The following CYFIP2 variants were observed in gnomAD, a reference collection of about 807,000 sequenced individuals.
The protein encoded by CYFIP2 is cytoplasmic FMR1 interacting protein 2.
A neutral mutation model predicts 158.7 loss-of-function variants in CYFIP2; 29 were observed. The ratio of observed to expected loss-of-function variants is 0.18; its 90% CI spans 0.14 to 0.25. The LOEUF is 0.25. CYFIP2 is among the 10% of genes least tolerant of loss of function. The pLI is 1.00. For missense variants in CYFIP2, 852 were observed against 1,639.5 expected (o/e 0.52, Z 8.29); for synonymous variants, 585 against 617.6 (o/e 0.95, Z 0.78).
chr5:157,330,943 G>C lies in CYFIP2; in HGVS notation c.2265+93G>C, dbSNP rs149521230. On this transcript the variant is annotated intron_variant, in intron 20 of 30. Coordinates refer to ENST00000620254, the MANE Select transcript of CYFIP2 (RefSeq NM_001037333.3). ...AGATCAGAAATCAGGCCTGGGTATT[G>C]TCTGCCCGGCATGTTGCCAGTGTGG... 2.3e-5 allele frequency: 22 copies of C among 948,896 alleles called. No individual in the cohort carries two copies. The East Asian group carries it at 5.5e-4, about 24-fold the overall frequency. The allele number at this position is 948,896 out of a possible 1,614,324, so 58.8% of individuals were successfully genotyped here.
At chr5:157,359,539 T>C (rs143593807) in intron 24 of CYFIP2, among the ~76,000 whole-genome samples, 8 of 152,310 alleles carry the variant, frequency 5.3e-5, no homozygotes, top group African/African-American at 1.9e-4. Context: ...CCCTTACCCA[T>C]GGCAGACATC....
rs1478710101 is a variant in CYFIP2 at position 157,389,433 on chromosome 5, T to C, written c.3446+6T>C. 8 of 1,573,306 alleles carry C rather than the reference T, an allele frequency of 5.1e-6. No individual in the cohort carries two copies. In the African/African-American group the frequency reaches 9.4e-5, roughly 19 times the overall value. The stretch of plus-strand genomic sequence containing the variant: ...ACCAACGAGTTCACAGCTGAGTGAG[T>C]ACCCCCCAGAGAAGGCAGGGTTACC... On this transcript the variant is annotated splice_donor_region_variant and intron_variant, in intron 29 of 30. Transcript: ENST00000620254.
intron 23 of CYFIP2, among the ~76,000 whole-genome samples, chr5:157,346,180 G>A (rs891748299): frequency 6.6e-6 from 1 of 152,034 alleles, no homozygotes; most frequent in African/African-American, 2.4e-5. Context: ...AAAGCTGTGG[G>A]CTTGGGCTAC....
At chr5:157,372,207 T>G (rs886482317) in intron 26 of CYFIP2, among the ~76,000 whole-genome samples, 3 of 152,256 alleles carry the variant, frequency 2.0e-5, no homozygotes, top group African/African-American at 7.2e-5. Flanking sequence ...CTACATCGTG[T>G]ATCATATTAA....
intron 23 of CYFIP2, chr5:157,342,886 A>G: frequency 6.2e-7 from 1 of 1,613,580 alleles, no homozygotes; most frequent in Non-Finnish European, 8.5e-7. Flanking sequence ...GAGGCAGTAT[A>G]GCGGGTGGGT....
chr5:157,377,002 T>TGGGCAG, intron 26 of CYFIP2: 1 of 404,992 alleles, frequency 2.5e-6, no homozygotes, highest in Non-Finnish European at 5.0e-6. Flanking sequence ...ACAGGTGCCC[T>TGGGCAG]GGGCAGGGGT....
chr5:157,360,513 A>C, intron 25 of CYFIP2, 141 bp downstream of exon 25: 1 of 645,990 alleles, frequency 1.5e-6, no homozygotes. Flanking sequence ...CACTAGCTAG[A>C]TAGCCTTTTA....
chr5:157,363,640 C>G (rs1272425104), intron 26 of CYFIP2: 1 of 152,748 alleles, frequency 6.5e-6, no homozygotes, highest in Non-Finnish European at 1.5e-5. Flanking sequence ...CAGCAGGTCA[C>G]TGGGGCTTCG....
chr5:157,357,391 A>C (rs2113344009), intron 23 of CYFIP2, among the ~76,000 whole-genome samples: 1 of 152,364 alleles, frequency 6.6e-6, no homozygotes, highest in East Asian at 1.9e-4. Context: ...GCATCATTAG[A>C]ATTTCCATTT....
chr5:157,382,490 C>A, intron 26 of CYFIP2, 100 bp from the exon 27 acceptor site: 1 of 1,253,608 alleles, frequency 8.0e-7, no homozygotes, highest in Non-Finnish European at 1.1e-6. Flanking sequence ...GGATTTGAAC[C>A]CAGGTCTAGC....
In CYFIP2 at chr5:157,358,940, G is replaced by C. The variant is rs1303972376; in HGVS notation, c.2674-65G>C. On this transcript the variant is annotated intron_variant, in intron 23 of 30. Coordinates refer to ENST00000620254, the MANE Select transcript of CYFIP2 (RefSeq NM_001037333.3). ...TAATGCTTCTGTCAGCAGAACATCT[G>C]CCAGGACTCCACCAGTGTCCATTCA... 4 of 1,599,690 alleles carry C rather than the reference G, an allele frequency of 2.5e-6. No homozygotes were observed. The East Asian group carries it at 8.9e-5, about 36-fold the overall frequency.
intron 23 of CYFIP2, among the ~76,000 whole-genome samples, chr5:157,353,308 A>G (rs1030324983): frequency 2.0e-5 from 3 of 152,214 alleles, no homozygotes; most frequent in Admixed American, 6.5e-5. Context: ...TGAGTGTGAC[A>G]GTGTTGATGT....
intron 16 of CYFIP2, among the ~76,000 whole-genome samples, chr5:157,325,204 G>A (rs539040004): frequency 3.3e-5 from 5 of 152,004 alleles, no homozygotes; most frequent in Admixed American, 3.3e-4. Flanking sequence ...GTAGGAGAGG[G>A]ATGGGAACTA....
In CYFIP2 at chr5:157,369,882, T is replaced by TTG. The variant is rs201862778; in HGVS notation, c.3039+8285_3039+8286insGT. On this transcript the variant is annotated intron_variant, in intron 26 of 30. Coordinates refer to ENST00000620254, the MANE Select transcript of CYFIP2 (RefSeq NM_001037333.3). ...AAAATCCTTGAGAATGGACCTAGTT[T>TTG]TTTTTTTTTTTTTTTTAAAGACAGA... is the stretch of plus-strand genomic sequence containing the variant. Among the ~76,000 whole-genome samples the TTG allele has an allele frequency of 8.8e-4, 71 of 80,882 alleles. 5 individuals carry two copies. Among genetic ancestry groups the TTG allele is most frequent in the Middle Eastern group, 6.1e-3 (1 of 164 alleles). 53.1% of individuals were successfully genotyped at this position (80,882 alleles called of 152,430 possible). A position where few individuals can be genotyped will look rare whatever the true frequency, so the allele number is the denominator to read the frequency against.
chr5:157,326,329 T>A, intron 18 of CYFIP2, 62 bp downstream of exon 18: 9 of 1,367,004 alleles, frequency 6.6e-6, no homozygotes, highest in Non-Finnish European at 8.4e-6. Flanking sequence ...ACTTTTCCAG[T>A]CTTTTGCTAT....
chr5:157,271,731 G>A (rs568256412), intron 1 of CYFIP2, among the ~76,000 whole-genome samples: 4 of 152,280 alleles, frequency 2.6e-5, no homozygotes, highest in African/African-American at 9.6e-5. Context: ...AATGTGATTT[G>A]GGGGCCTTTG....
chr5:157,320,832 G>T (rs764740343), intron 15 of CYFIP2, 30 bp downstream of exon 15: 2 of 1,518,310 alleles, frequency 1.3e-6, no homozygotes. Flanking sequence ...GGCCAGCTGC[G>T]TTGACTCAGA....
intron 2 of CYFIP2, among the ~76,000 whole-genome samples, chr5:157,286,376 A>G (rs1757379859): frequency 6.7e-6 from 1 of 149,822 alleles, no homozygotes; most frequent in African/African-American, 2.4e-5. Context: ...ATATATATAT[A>G]CATATATTTT....
chr5:157,279,854 G>A (rs1756856275), intron 1 of CYFIP2, among the ~76,000 whole-genome samples: 2 of 152,208 alleles, frequency 1.3e-5, no homozygotes, highest in African/African-American at 4.8e-5. Context: ...GGACACTTGG[G>A]CAGGAAAGAA....
Sources: gnomAD v4.1 joint callset for allele counts (sites outside exome capture counted in the v4.1 genomes callset) on GRCh38, gnomAD v4.1.1 for gene constraint, MANE v1.5 for transcripts, NCBI Gene and HGNC (gene_info 2026-07-23, HGNC 2026-07-21) for gene names.